NTM: variants seen among roughly 807,000 people sequenced by gnomAD.
NTM encodes IgLON family member 2.
Under a neutral mutation model 42.1 loss-of-function variants are expected in NTM, and 13 were observed. The observed-to-expected ratio is 0.31, with a 90% CI of 0.20 to 0.49. The LOEUF (loss-of-function observed/expected upper bound fraction) is 0.49. NTM is among the 20% of genes least tolerant of loss of function. The pLI is 0.99. For synonymous variants in NTM, 187 were observed against 179.2 expected, an observed-to-expected ratio of 1.04 and a Z score of -0.35; for missense variants, 373 against 452.8, an observed-to-expected ratio of 0.82 and a Z score of 1.60.
At chr11:132,176,921 G>A (rs1052151863) in intron 3 of NTM, among the ~76,000 whole-genome samples, 6 of 151,802 alleles carry the variant, frequency 4.0e-5, no homozygotes, top group Non-Finnish European at 8.8e-5. Flanking sequence ...TAGAGATGGG[G>A]TTTCACCATG....
At chr11:132,314,889 G>A (rs1049458493) in intron 7 of NTM, 186 bp downstream of exon 7, 281 of 1,352,238 alleles carry the variant, frequency 2.1e-4, no homozygotes, top group Non-Finnish European at 4.1e-5. Context: ...CAGGGAGGAG[G>A]CAGACAGAAA....
At chr11:131,820,672 T>C (rs483097) in intron 1 of NTM, among the ~76,000 whole-genome samples, 121,984 of 152,110 alleles carry the variant, frequency 0.8, 49,638 homozygotes, top group African/African-American at 0.92. Context: ...CTACCATATA[T>C]GTGTGCACCA....
chr11:131,458,718 T>A (rs1951120568), intron 1 of NTM, among the ~76,000 whole-genome samples: 1 of 152,232 alleles, frequency 6.6e-6, no homozygotes, highest in Non-Finnish European at 1.5e-5. Flanking sequence ...TGAGAGTAGT[T>A]ACCAATCTCA....
intron 3 of NTM, among the ~76,000 whole-genome samples, chr11:132,182,600 G>A (rs4414227): frequency 0.67 from 101,210 of 151,504 alleles, 35,848 homozygotes; most frequent in Non-Finnish European, 0.8. Context: ...TAATAATGAG[G>A]GGTGAGGTGG....
chr11:132,187,380 C>T (rs1030610072), intron 3 of NTM, among the ~76,000 whole-genome samples: 3 of 152,146 alleles, frequency 2.0e-5, no homozygotes, highest in African/African-American at 7.2e-5. Context: ...TAGTTAGCAC[C>T]AATATAGTGC....
At chr11:131,375,914 C>T (rs985783645) in intron 1 of NTM, among the ~76,000 whole-genome samples, 1 of 152,132 alleles carries the variant, frequency 6.6e-6, no homozygotes, top group East Asian at 1.9e-4. Context: ...ATTCTCTCTC[C>T]CTCCTTCCCT....
chr11:131,927,621 C>A (rs1333324404), intron 2 of NTM, among the ~76,000 whole-genome samples: 3 of 152,200 alleles, frequency 2.0e-5, no homozygotes, highest in African/African-American at 7.2e-5. Context: ...ACAGTTTCAA[C>A]AGACTTTCAA....
In NTM at chr11:131,515,481, G is replaced by A. The variant is rs143115038; in HGVS notation, c.82+144593G>A. Among the ~76,000 whole-genome samples, 1,300 of 152,304 alleles carry A rather than the reference G, an allele frequency of 8.5e-3. 24 individuals are homozygous for A. The highest frequency in any genetic ancestry group is 0.03 in the African/African-American group (1,233 of 41,564). On this transcript the variant is annotated intron_variant, in intron 1 of 8. Transcript: ENST00000683400. The stretch of plus-strand genomic sequence containing the variant: ...TCCTCCCCCAGCATGAACATGAGCC[G>A]TTACATGTTGGGGATAATTGAAGGT...
At chr11:131,720,618 C>T (rs2078218168) in intron 1 of NTM, among the ~76,000 whole-genome samples, 1 of 152,204 alleles carries the variant, frequency 6.6e-6, no homozygotes, top group Non-Finnish European at 1.5e-5. Context: ...TTGCCCAGCA[C>T]CTAGACTTGA....
intron 1 of NTM, among the ~76,000 whole-genome samples, chr11:131,722,943 A>G (rs1285750766): frequency 1.3e-5 from 2 of 152,186 alleles, no homozygotes; most frequent in African/African-American, 4.8e-5. Flanking sequence ...TGCAATTGAT[A>G]TTATTACTTT....
In NTM at chr11:131,653,811, TGACCAG is replaced by T. The variant is rs377155780; in HGVS notation, c.83-257750_83-257745del. 4.1e-3 allele frequency among the ~76,000 whole-genome samples: 630 copies of T among 152,348 alleles called. 6 individuals are homozygous for T. The highest frequency in any genetic ancestry group is 0.014 in the African/African-American group (601 of 41,576). On this transcript the variant is annotated intron_variant, in intron 1 of 8. Transcript: ENST00000683400. ...TCCTTTGGAGGAGTGGCTTTCGGAATGACCAGGATACATTGGTGATAATTGGGCTGG... is the reference window on the plus strand; with the variant it reads ...TCCTTTGGAGGAGTGGCTTTCGGAATGATACATTGGTGATAATTGGGCTGG...
At chr11:131,788,915 T>G (rs34125899) in intron 1 of NTM, among the ~76,000 whole-genome samples, 17,983 of 152,144 alleles carry the variant, frequency 0.12, 1,157 homozygotes, top group East Asian at 0.16. Context: ...CGCTTACTTC[T>G]CACCCTCGTT....
chr11:131,643,395 G>A lies in NTM; in HGVS notation c.83-268169G>A, dbSNP rs538599230. 3.5e-4 allele frequency among the ~76,000 whole-genome samples: 53 copies of A among 152,296 alleles called. 1 individual carries two copies. The Middle Eastern group carries it at 0.024, about 68-fold the overall frequency. Reference sequence around the variant, plus strand: ...TGGTGTACCCGGGTGTGCGCGGAGCGGCCCAGCATGAGCACTGTGTACTCG... The same window carrying A: ...TGGTGTACCCGGGTGTGCGCGGAGCAGCCCAGCATGAGCACTGTGTACTCG... On this transcript the variant is annotated intron_variant, in intron 1 of 8. Coordinates refer to ENST00000683400, the MANE Select transcript of NTM (RefSeq NM_001352005.2).
At position 131,670,120 on chromosome 11, in the gene NTM, G is replaced by T. The variant is rs116872826; in HGVS notation, c.83-241444G>T. On this transcript the variant is annotated intron_variant, in intron 1 of 8. Transcript: ENST00000683400. Reference sequence around the variant, plus strand: ...AATTGTCTCTGACTCCTCATTTGTAGGCTATTAAAATGAGTTCCCTATTAA... The same window carrying T: ...AATTGTCTCTGACTCCTCATTTGTATGCTATTAAAATGAGTTCCCTATTAA... 8.0e-3 allele frequency among the ~76,000 whole-genome samples: 1,219 copies of T among 152,124 alleles called. 28 individuals carry two copies. The highest frequency in any genetic ancestry group is 6.0e-3 in the Non-Finnish European group (409 of 67,990).
chr11:131,571,450 G>T (rs1464835241), intron 1 of NTM, among the ~76,000 whole-genome samples: 1 of 152,228 alleles, frequency 6.6e-6, no homozygotes, highest in Non-Finnish European at 1.5e-5. Flanking sequence ...CTTGCCCAAG[G>T]TCATAGAACT....
At chr11:131,575,086 A>G (rs2057803194) in intron 1 of NTM, among the ~76,000 whole-genome samples, 1 of 152,156 alleles carries the variant, frequency 6.6e-6, no homozygotes, top group Non-Finnish European at 1.5e-5. Context: ...GTCCGTTTGG[A>G]TGACTCTTTA....
In NTM at chr11:131,432,839, C is replaced by CTTTTTTTTT. The variant is rs377739708; in HGVS notation, c.82+61975_82+61983dup. Among the ~76,000 whole-genome samples the CTTTTTTTTT allele has an allele frequency of 2.2e-3, 153 of 68,694 alleles. 16 individuals are homozygous for CTTTTTTTTT. Among genetic ancestry groups the CTTTTTTTTT allele is most frequent in the Middle Eastern group, 0.011 (1 of 92 alleles). 45.1% of individuals were successfully genotyped at this position (68,694 alleles called of 152,430 possible). On this transcript the variant is annotated intron_variant, in intron 1 of 8. Coordinates refer to ENST00000683400, the MANE Select transcript of NTM (RefSeq NM_001352005.2). ...CTACAAAAGATGAAGATTTAGCATT[C>CTTTTTTTTT]TTTTTTTTTTTTTTTTTTTTTTTTT...
At chr11:131,858,849 C>T (rs1331154072) in intron 1 of NTM, among the ~76,000 whole-genome samples, 2 of 152,212 alleles carry the variant, frequency 1.3e-5, no homozygotes, top group Non-Finnish European at 2.9e-5. Context: ...CAGGCAACTC[C>T]AAACTTCTGC....
At chr11:132,273,319 T>TTG in intron 4 of NTM, among the ~76,000 whole-genome samples, 1 of 144,040 alleles carries the variant, frequency 6.9e-6, no homozygotes, top group Non-Finnish European at 1.5e-5. Flanking sequence ...GTTTTTTTTT[T>TTG]TTTTTTTTTT....
Sources: allele counts gnomAD v4.1 joint callset (sites outside exome capture counted in the v4.1 genomes callset), GRCh38; gene constraint gnomAD v4.1.1; transcripts MANE v1.5; gene names NCBI Gene and HGNC (gene_info 2026-07-23, HGNC 2026-07-21).